The following OXNAD1 variants were observed in gnomAD, a reference collection of about 807,000 sequenced individuals.
OXNAD1 encodes oxidoreductase NAD-binding domain-containing protein 1.
In OXNAD1, 34 loss-of-function variants were observed where a neutral mutation model predicts 32.9. The ratio of observed to expected loss-of-function variants is 1.03; its 90% confidence interval spans 0.79 to 1.38. The LOEUF (loss-of-function observed/expected upper bound fraction) is 1.38. Ranked by LOEUF, OXNAD1 falls within the 40% of genes most tolerant of loss-of-function variation. The probability of loss-of-function intolerance (pLI) is 0.00; values close to 1 mark genes in which losing one functional copy is unlikely to be tolerated. For synonymous variants in OXNAD1, 134 were observed against 135.2 expected, an observed-to-expected ratio of 0.99 and a Z score of 0.06; for missense variants, 407 against 379.4, an observed-to-expected ratio of 1.07 and a Z score of -0.60.
rs759710957 is a variant in OXNAD1 at position 16,345,815 on chromosome 3, TGTGC to T, written c.*31-3359_*31-3356del. On this transcript the variant is annotated intron_variant, in intron 9 of 9. Coordinates refer to the OXNAD1 transcript ENST00000606098. This position sits in a 1 kb window ranked among gnomAD's most constrained non-coding sequence, Gnocchi z 5.2. ...GTGTGTGTGTGTGTGTGTGTGTGTGTGTGCGCGCGCGCGTGCGCGCACGCGCACA... is the reference window on the plus strand; with the variant it reads ...GTGTGTGTGTGTGTGTGTGTGTGTGTGCGCGCGCGTGCGCGCACGCGCACA... Among the ~76,000 whole-genome samples, 5 of 82,344 alleles carry T rather than the reference TGTGC, an allele frequency of 6.1e-5. No homozygotes were observed. The highest frequency in any genetic ancestry group is 2.2e-4 in the Admixed American group (2 of 8,970). 54.0% of individuals were successfully genotyped at this position (82,344 alleles called of 152,430 possible).
intron 4 of OXNAD1, chr3:16,275,185 T>C (rs570802102): frequency 6.0e-6 from 1 of 167,118 alleles, no homozygotes; most frequent in East Asian, 1.5e-4. Context: ...TATAGTTTGT[T>C]GTTTGTAGGT....
At chr3:16,276,930 T>C (rs1054627633) in intron 4 of OXNAD1, among the ~76,000 whole-genome samples, 13 of 150,986 alleles carry the variant, frequency 8.6e-5, no homozygotes, top group South Asian at 6.3e-4. Flanking sequence ...TCTTTCTTTT[T>C]TTTTTTTTTT....
Position 16,280,423 on chromosome 3 carries a change from C to T in OXNAD1, c.184-5919C>T, listed in dbSNP as rs1049683436. On this transcript the variant is annotated intron_variant, in intron 4 of 8. Coordinates refer to ENST00000285083, the MANE Select transcript of OXNAD1 (RefSeq NM_138381.5). The surrounding 1 kb of genome is among the most constrained non-coding windows in gnomAD (Gnocchi z 4.5). ...GGTTGACGGAGAATTTTGTGTCTACCTTTGTTAGTAAATCACTTGAGTAAA... is the reference window on the plus strand; with the variant it reads ...GGTTGACGGAGAATTTTGTGTCTACTTTTGTTAGTAAATCACTTGAGTAAA... Among the ~76,000 whole-genome samples the T allele has an allele frequency of 6.6e-6, 1 of 151,842 alleles. No homozygotes were observed. Among genetic ancestry groups the T allele is most frequent in the Admixed American group, 6.6e-5 (1 of 15,202 alleles).
At chr3:16,296,315 A>G (rs944211623) in intron 6 of OXNAD1, among the ~76,000 whole-genome samples, 1 of 152,234 alleles carries the variant, frequency 6.6e-6, no homozygotes, top group Non-Finnish European at 1.5e-5. Context: ...CCCATGAAAG[A>G]AATCAAAGAA....
At position 16,316,460 on chromosome 3, in the gene OXNAD1, G is replaced by T; in HGVS notation, c.*30+12868G>T. ...CAGCAGCCTTGGTTTGTAGCCCAGG[G>T]TGTCCATGGATTTGACCCGAATGCT... On this transcript the variant is annotated intron_variant, in intron 9 of 9. Coordinates refer to the OXNAD1 transcript ENST00000435829. The surrounding 1 kb of genome is among the most constrained non-coding windows in gnomAD (Gnocchi z 4.5). 3.3e-6 allele frequency: 1 copy of T among 299,422 alleles called. No homozygotes were observed. The highest frequency in any genetic ancestry group is 6.3e-6 in the Non-Finnish European group (1 of 157,722). 18.5% of individuals were successfully genotyped at this position (299,422 alleles called of 1,614,324 possible).
chr3:16,271,058 C>T lies in OXNAD1; in HGVS notation c.106C>T (p.Leu36Phe), dbSNP rs1405372562. ...LRLTLSTLRH[L>F]TLTSIMKSKR... is the part of the protein sequence containing the mutation. Reference sequence around the variant, plus strand: ...ATTGACACTCAGCACTTTGCGCCACCTTACTCTAACCAGGTGAGTCATTAA... The same window carrying T: ...ATTGACACTCAGCACTTTGCGCCACTTTACTCTAACCAGGTGAGTCATTAA... Residue 36 changes from leucine to phenylalanine, a missense_variant, in exon 3 of 9, where the codon CTT (leucine) becomes TTT (phenylalanine). By Grantham distance (22) the Leu-to-Phe change is conservative. Transcript: ENST00000285083. The surrounding 1 kb of genome is among the most constrained non-coding windows in gnomAD (Gnocchi z 4.6). 6.2e-6 allele frequency: 10 copies of T among 1,613,940 alleles called. No homozygotes were observed. In the African/African-American group the frequency reaches 8.0e-5, roughly 13 times the overall value.
In OXNAD1 at chr3:16,284,689, T is replaced by C. The variant is rs2065957484; in HGVS notation, c.184-1653T>C. Among the ~76,000 whole-genome samples the C allele has an allele frequency of 6.6e-6, 1 of 152,216 alleles. No homozygotes were observed. Among genetic ancestry groups the C allele is most frequent in the Admixed American group, 6.5e-5 (1 of 15,272 alleles). ...ATTGTAAGTACTTTTGTCAGTATTA[T>C]CTCATTTAATCCTCCCAGCAACCCT... On this transcript the variant is annotated intron_variant, in intron 4 of 8. Transcript: ENST00000285083. The surrounding 1 kb of genome is among the most constrained non-coding windows in gnomAD (Gnocchi z 4.1).
rs2066898681 is a variant in OXNAD1, at chr3:16,297,726, A to G, written c.432+2729A>G. Among the ~76,000 whole-genome samples the G allele has an allele frequency of 6.6e-6, 1 of 152,204 alleles. No homozygotes were observed. The highest frequency in any genetic ancestry group is 1.5e-5 in the Non-Finnish European group (1 of 68,024). On this transcript the variant is annotated intron_variant, in intron 6 of 8. Transcript: ENST00000285083. This position sits in a 1 kb window ranked among gnomAD's most constrained non-coding sequence, Gnocchi z 4.3. ...GGCATTCTGTTGAGTGCAAGGAGGCAGTCCCAAAAGGTTACATACTGTAAA... is the reference window on the plus strand; with the variant it reads ...GGCATTCTGTTGAGTGCAAGGAGGCGGTCCCAAAAGGTTACATACTGTAAA...
intron 4 of OXNAD1, among the ~76,000 whole-genome samples, chr3:16,282,820 CTT>C (rs11379565): frequency 1.8e-4 from 13 of 72,012 alleles, no homozygotes; most frequent in African/African-American, 7.2e-4. Flanking sequence ...GGACTTTCAG[CTT>C]TTTTTTTTTT....
intron 4 of OXNAD1, chr3:16,272,300 A>G: frequency 3.0e-6 from 1 of 338,934 alleles, no homozygotes; most frequent in Non-Finnish European, 5.8e-6. Context: ...TGAGAAATAA[A>G]GGATCCTCAC....
At chr3:16,266,728 C>G (rs1047680137) in intron 1 of OXNAD1, among the ~76,000 whole-genome samples, 2 of 151,912 alleles carry the variant, frequency 1.3e-5, no homozygotes, top group Admixed American at 1.3e-4. Context: ...CTCCACCTCT[C>G]TAGGTTGTTT....
chr3:16,335,301 G>A lies in OXNAD1; in HGVS notation c.*31-1811G>A, dbSNP rs561082630. 3.5e-4 allele frequency among the ~76,000 whole-genome samples: 54 copies of A among 152,320 alleles called. No homozygotes were observed. Among genetic ancestry groups the A allele is most frequent in the African/African-American group, 1.2e-3 (50 of 41,572 alleles). ...GAGGGCTGGATTTCCTTGTGAGGGG[G>A]TGAGCAGAAGATGAACGAAAATGGG... On this transcript the variant is annotated intron_variant, in intron 9 of 9. Coordinates refer to the OXNAD1 transcript ENST00000435829. This position sits in a 1 kb window ranked among gnomAD's most constrained non-coding sequence, Gnocchi z 4.7.
downstream of OXNAD1, among the ~76,000 whole-genome samples, chr3:16,350,713 T>G (rs767000253): frequency 3.9e-4 from 59 of 152,096 alleles, no homozygotes; most frequent in Non-Finnish European, 7.8e-4. Context: ...TGGGAGGGGT[T>G]TGGGTGTTGA....
rs2068967431 is a variant in OXNAD1, at chr3:16,320,831, G to A, written c.*31-16281G>A. On this transcript the variant is annotated intron_variant, in intron 9 of 9. Coordinates refer to the OXNAD1 transcript ENST00000435829. The surrounding 1 kb of genome is among the most constrained non-coding windows in gnomAD (Gnocchi z 4.5). ...ATCCCTTGGGGCCTTGAGGGCCACA[G>A]TACTGATTTCCATCTTTGTCTTCAG... Among the ~76,000 whole-genome samples the A allele has an allele frequency of 6.6e-6, 1 of 152,244 alleles. No homozygotes were observed. Among genetic ancestry groups the A allele is most frequent in the African/African-American group, 2.4e-5 (1 of 41,458 alleles).
downstream of OXNAD1, among the ~76,000 whole-genome samples, chr3:16,341,778 TAATG>T (rs1173881745): frequency 6.6e-6 from 1 of 152,158 alleles, no homozygotes; most frequent in East Asian, 1.9e-4. This position sits in a 1 kb window ranked among gnomAD's most constrained non-coding sequence, Gnocchi z 4.7. Context: ...CCATTACAAA[TAATG>T]AAGTAAAAGC....
At position 16,265,763 on chromosome 3, in the gene OXNAD1, C is replaced by A; in HGVS notation, c.-159+258C>A. On this transcript the variant is annotated intron_variant, in intron 1 of 8. Coordinates refer to ENST00000285083, the MANE Select transcript of OXNAD1 (RefSeq NM_138381.5). The surrounding 1 kb of genome is among the most constrained non-coding windows in gnomAD (Gnocchi z 4.8). ...TTATTCCATTTTATTAATCTTTAAACTGAGGTACAGAGAGTTGGGCATCTT... is the reference window on the plus strand; with the variant it reads ...TTATTCCATTTTATTAATCTTTAAAATGAGGTACAGAGAGTTGGGCATCTT... The A allele has an allele frequency of 3.4e-6, 2 of 590,518 alleles. No individual in the cohort carries two copies. Among genetic ancestry groups the A allele is most frequent in the Non-Finnish European group, 2.1e-6 (1 of 469,484 alleles). The allele number at this position is 590,518 out of a possible 1,614,324, so 36.6% of individuals were successfully genotyped here.
chr3:16,306,774 A>AT (rs1181882574), downstream of OXNAD1, among the ~76,000 whole-genome samples: 1,370 of 149,782 alleles, frequency 9.1e-3, 10 homozygotes, highest in African/African-American at 0.021. Context: ...CGGATTCAAG[A>AT]TTTTTTTTTT....
rs1016437863 is a variant in OXNAD1, at chr3:16,297,685, G to A, written c.432+2688G>A. On this transcript the variant is annotated intron_variant, in intron 6 of 8. Coordinates refer to ENST00000285083, the MANE Select transcript of OXNAD1 (RefSeq NM_138381.5). This position sits in a 1 kb window ranked among gnomAD's most constrained non-coding sequence, Gnocchi z 4.3. Reference sequence around the variant, plus strand: ...ATGAATTATTGATGCATGCAGCAATGTGGGTGAATCTCAGAGGCATTCTGT... The same window carrying A: ...ATGAATTATTGATGCATGCAGCAATATGGGTGAATCTCAGAGGCATTCTGT... 1.3e-4 allele frequency among the ~76,000 whole-genome samples: 20 copies of A among 152,216 alleles called. No individual in the cohort carries two copies. The highest frequency in any genetic ancestry group is 2.2e-4 in the Non-Finnish European group (15 of 68,042).
chr3:16,331,505 CCT>C (rs1294188094), intron 9 of OXNAD1, among the ~76,000 whole-genome samples: 4 of 151,906 alleles, frequency 2.6e-5, no homozygotes, highest in African/African-American at 9.7e-5. Context: ...TTTATATAAC[CCT>C]CTGTTTTTCC....
Sources: allele counts gnomAD v4.1 joint callset (sites outside exome capture counted in the v4.1 genomes callset), GRCh38; gene constraint gnomAD v4.1.1; non-coding constraint Gnocchi (gnomAD v3.1); transcripts MANE v1.5; gene names NCBI Gene and HGNC (gene_info 2026-07-23, HGNC 2026-07-21).